The following HTR1D variants were observed in gnomAD, a reference collection of about 807,000 sequenced individuals.
HTR1D encodes the protein 5-HT-1D.
In HTR1D, 18 loss-of-function variants were observed where a neutral mutation model predicts 21.1. The observed-to-expected ratio is 0.85, with a 90% confidence interval of 0.59 to 1.27. The LOEUF is 1.27. Ranked by LOEUF, HTR1D falls within the 50% of genes most tolerant of loss-of-function variation. HTR1D has a pLI of 0.00. For missense variants in HTR1D, 456 were observed against 481.4 expected (o/e 0.95, Z 0.49); for synonymous variants, 196 against 204.4 (o/e 0.96, Z 0.35).
At chr1:23,211,939 A>T (rs1344227744) in intron 1 of HTR1D, among the ~76,000 whole-genome samples, 1 of 152,118 alleles carries the variant, frequency 6.6e-6, no homozygotes. Context: ...ACCAGATTAC[A>T]GTTGTGAATC....
At position 23,217,390 on chromosome 1, in the gene HTR1D, C is replaced by A. The variant is rs919051051; in HGVS notation, c.-882G>T. Among the ~76,000 whole-genome samples, 8 of 151,868 alleles carry A rather than the reference C, an allele frequency of 5.3e-5. No homozygotes were observed. Among genetic ancestry groups the A allele is most frequent in the Admixed American group, 5.2e-4 (8 of 15,266 alleles). ...GCGGCCGCCTTGTCTCCGCCGCGAC[C>A]CCCGCCGAACTCGGGGGCCGCCCGC... On this transcript the variant is annotated 5_prime_UTR_variant, in exon 1 of 2. Coordinates refer to ENST00000374619, the MANE Select transcript of HTR1D (RefSeq NM_000864.5). The surrounding 1 kb of genome is among the most constrained non-coding windows in gnomAD (Gnocchi z 4.6).
chr1:23,193,015 T>TTAA lies in HTR1D; in HGVS notation c.*70_*71insTTA. 4.9e-6 allele frequency: 4 copies of TTAA among 820,102 alleles called. No homozygotes were observed. Among genetic ancestry groups the TTAA allele is most frequent in the South Asian group, 2.4e-5 (1 of 42,392 alleles). 50.8% of individuals were successfully genotyped at this position (820,102 alleles called of 1,614,324 possible). On this transcript the variant is annotated 3_prime_UTR_variant, in exon 2 of 2. Transcript: ENST00000374619. ...ATTAATCCAAGTCTCAGAAAATAAT[T>TTAA]AAAAAAAAAAAAGACAATCCCGATG...
chr1:23,209,742 A>G (rs575124818), intron 1 of HTR1D, among the ~76,000 whole-genome samples: 1 of 152,228 alleles, frequency 6.6e-6, no homozygotes, highest in South Asian at 2.1e-4. Context: ...GACCCCAGAG[A>G]TAGGGCACTG....
chr1:23,208,503 G>A (rs936580607), intron 1 of HTR1D, among the ~76,000 whole-genome samples: 14 of 151,978 alleles, frequency 9.2e-5, no homozygotes, highest in Admixed American at 7.2e-4. Flanking sequence ...CCCAGGAGGC[G>A]GAGGTTGCAG....
At chr1:23,210,455 C>G (rs1283241148) in intron 1 of HTR1D, among the ~76,000 whole-genome samples, 1 of 152,192 alleles carries the variant, frequency 6.6e-6, no homozygotes, top group Non-Finnish European at 1.5e-5. Flanking sequence ...AGTGTCAGCC[C>G]TGGGATTTCA....
At chr1:23,202,457 C>A (rs1228450315) in intron 1 of HTR1D, among the ~76,000 whole-genome samples, 1 of 152,190 alleles carries the variant, frequency 6.6e-6, no homozygotes, top group Non-Finnish European at 1.5e-5. Context: ...ATCCAGGGCT[C>A]ATTCAGCCTG....
chr1:23,202,563 T>G (rs760103340), intron 1 of HTR1D, among the ~76,000 whole-genome samples: 3 of 152,146 alleles, frequency 2.0e-5, no homozygotes, highest in Non-Finnish European at 2.9e-5. Context: ...GTTTAATGTG[T>G]CCTTAGAAGC....
intron 1 of HTR1D, among the ~76,000 whole-genome samples, chr1:23,203,688 T>C (rs1268210522): frequency 7.2e-5 from 11 of 151,948 alleles, no homozygotes; most frequent in East Asian, 1.9e-4. Context: ...CTGTGAAACA[T>C]AGAAAATAAA....
intron 1 of HTR1D, among the ~76,000 whole-genome samples, chr1:23,210,776 C>T (rs1278323789): frequency 2.0e-5 from 3 of 152,052 alleles, no homozygotes; most frequent in East Asian, 1.9e-4. Flanking sequence ...TCCTGGGAGC[C>T]GACTGGCAGG....
At chr1:23,214,935 A>G (rs1569770319) in intron 1 of HTR1D, among the ~76,000 whole-genome samples, 1 of 152,124 alleles carries the variant, frequency 6.6e-6, no homozygotes, top group East Asian at 1.9e-4. Flanking sequence ...GATCACCCAG[A>G]GAGAGTGTCT....
chr1:23,201,590 TC>T (rs1168600463), intron 1 of HTR1D, among the ~76,000 whole-genome samples: 1 of 152,178 alleles, frequency 6.6e-6, no homozygotes, highest in Non-Finnish European at 1.5e-5. Flanking sequence ...TCCTCTGTTG[TC>T]CAGGTTGGAG....
rs931370536 is a variant in HTR1D, at chr1:23,192,353, G to A, written c.*733C>T. 1 of 152,614 alleles carries A rather than the reference G, an allele frequency of 6.6e-6. No individual in the cohort carries two copies. The highest frequency in any genetic ancestry group is 2.1e-4 in the South Asian group (1 of 4,824). The allele number at this position is 152,614 out of a possible 1,614,324, so 9.5% of individuals were successfully genotyped here. On this transcript the variant is annotated 3_prime_UTR_variant, in exon 2 of 2. Coordinates refer to ENST00000374619, the MANE Select transcript of HTR1D (RefSeq NM_000864.5). ...GCCACACAGAATGGAGACCCATCCTGGCTCCAAATTCTCTTTCAATTCAGG... is the reference window on the plus strand; with the variant it reads ...GCCACACAGAATGGAGACCCATCCTAGCTCCAAATTCTCTTTCAATTCAGG...
chr1:23,217,007 C>G lies in HTR1D; in HGVS notation c.-783+284G>C, dbSNP rs1336748395. On this transcript the variant is annotated intron_variant, in intron 1 of 1. Coordinates refer to ENST00000374619, the MANE Select transcript of HTR1D (RefSeq NM_000864.5). The surrounding 1 kb of genome is among the most constrained non-coding windows in gnomAD (Gnocchi z 4.6). ...GTGCTTCCTGCCCCTCCAGTTCTCG[C>G]CTGGGCGCTGGGCACCCCCAACGCG... 6.6e-6 allele frequency among the ~76,000 whole-genome samples: 1 copy of G among 152,032 alleles called. No homozygotes were observed. Among genetic ancestry groups the G allele is most frequent in the Non-Finnish European group, 1.5e-5 (1 of 67,950 alleles).
chr1:23,205,643 A>C (rs1644727135), intron 1 of HTR1D, among the ~76,000 whole-genome samples: 1 of 152,168 alleles, frequency 6.6e-6, no homozygotes, highest in South Asian at 2.1e-4. Context: ...TCCCGGGTTC[A>C]AGTGATTCTC....
intron 1 of HTR1D, among the ~76,000 whole-genome samples, chr1:23,212,826 CT>C (rs34716227): frequency 0.019 from 2,766 of 146,662 alleles, 81 homozygotes; most frequent in African/African-American, 0.063. Context: ...CTGAGTGCCT[CT>C]TTTTTTTTTT....
At chr1:23,198,919 G>T (rs1317521555) in intron 1 of HTR1D, among the ~76,000 whole-genome samples, 1 of 152,152 alleles carries the variant, frequency 6.6e-6, no homozygotes, top group Non-Finnish European at 1.5e-5. Context: ...TTCTTTTCAC[G>T]ATCTCGGCTC....
rs538168833 is a variant in HTR1D, at chr1:23,206,283, G to C, written c.-783+11008C>G. On this transcript the variant is annotated intron_variant, in intron 1 of 1. Transcript: ENST00000374619. Reference sequence around the variant, plus strand: ...CTGACCTCGTGATCCACCCACCTCGGCCTCCCAAAGTGCTGGGATTACGGG... The same window carrying C: ...CTGACCTCGTGATCCACCCACCTCGCCCTCCCAAAGTGCTGGGATTACGGG... Among the ~76,000 whole-genome samples, 11 of 152,164 alleles carry C rather than the reference G, an allele frequency of 7.2e-5. No homozygotes were observed. The East Asian group carries it at 2.1e-3, about 30-fold the overall frequency.
At chr1:23,202,014 G>A (rs1644710951) in intron 1 of HTR1D, among the ~76,000 whole-genome samples, 1 of 152,162 alleles carries the variant, frequency 6.6e-6, no homozygotes, top group African/African-American at 2.4e-5. Flanking sequence ...AACATGCCTA[G>A]CACAGTGGCT....
chr1:23,210,402 C>G (rs1390440915), intron 1 of HTR1D, among the ~76,000 whole-genome samples: 1 of 152,182 alleles, frequency 6.6e-6, no homozygotes, highest in Non-Finnish European at 1.5e-5. Flanking sequence ...GACAAGCTCT[C>G]AGGTGATGCC....
Sources: allele counts gnomAD v4.1 joint callset (sites outside exome capture counted in the v4.1 genomes callset), GRCh38; gene constraint gnomAD v4.1.1; non-coding constraint Gnocchi (gnomAD v3.1); transcripts MANE v1.5; gene names NCBI Gene and HGNC (gene_info 2026-07-23, HGNC 2026-07-21).